Variants in CRBN observed in about 807,000 individuals in gnomAD.
CRBN encodes protein cereblon.
In CRBN, 53 loss-of-function variants were observed where a neutral mutation model predicts 62.2. That is an observed-to-expected ratio of 0.85 (90% CI 0.68 to 1.07). The LOEUF (loss-of-function observed/expected upper bound fraction) is 1.07. Among genes scored for constraint, CRBN ranks in the 50% least tolerant of loss-of-function variants. The pLI is 0.00. For missense variants in CRBN, 616 were observed against 531.1 expected (o/e 1.16, Z -1.57); for synonymous variants, 208 against 176.1 (o/e 1.18, Z -1.43).
chr3:3,151,075 G>A, intron 10 of CRBN, 30 bp from the exon 11 acceptor site: 1 of 1,611,072 alleles, frequency 6.2e-7, no homozygotes, highest in Admixed American at 1.7e-5. Flanking sequence ...TATCAGCTAA[G>A]GAAACATTTC....
At chr3:3,152,616 C>T (rs755833083) in intron 9 of CRBN, 29 bp from the exon 10 acceptor site, 25 of 1,613,386 alleles carry the variant, frequency 1.5e-5, no homozygotes, top group Admixed American at 3.3e-5. Flanking sequence ...ATGGAGAACA[C>T]GTCAAAACGA....
At chr3:3,173,038 C>CTA (rs1707686058) in intron 3 of CRBN, 113 bp from the exon 4 acceptor site, 5 of 808,340 alleles carry the variant, frequency 6.2e-6, no homozygotes, top group Non-Finnish European at 1.1e-5. Context: ...ACCCTTACTA[C>CTA]AAAGCTAGGA....
At chr3:3,162,131 A>C (rs1464000649) in intron 5 of CRBN, among the ~76,000 whole-genome samples, 1 of 152,194 alleles carries the variant, frequency 6.6e-6, no homozygotes, top group African/African-American at 2.4e-5. Flanking sequence ...GAGGCCAGAA[A>C]GATGAGACTC....
chr3:3,152,333 T>G, intron 10 of CRBN, 123 bp downstream of exon 10: 1 of 1,089,312 alleles, frequency 9.2e-7, no homozygotes. Context: ...TTGTAGCAAA[T>G]TACTCATTTG....
At chr3:3,157,222 A>G (rs1008258708) in intron 5 of CRBN, among the ~76,000 whole-genome samples, 2 of 152,228 alleles carry the variant, frequency 1.3e-5, no homozygotes, top group African/African-American at 4.8e-5. Flanking sequence ...CTAAACATCA[A>G]TCAAAAATAG....
At position 3,175,206 on chromosome 3, in the gene CRBN, G is replaced by C. The variant is rs757381730; in HGVS notation, c.131C>G (p.Pro44Arg). 6.2e-7 allele frequency: 1 copy of C among 1,613,086 alleles called. No homozygotes were observed. Among genetic ancestry groups the C allele is most frequent in the East Asian group, 2.2e-5 (1 of 44,838 alleles). The part of the protein sequence containing the change: ...EDQDSKEAKK[P>R]NIINFDTSLP... ...ACTGGTGTCAAAATTTATGATGTTT[G>C]GTTTTTTGGCTTCTTTACTATCCTG... Residue 44 changes from proline (P) to arginine (R), a missense_variant, in exon 2 of 11, where the codon CCA (proline) becomes CGA (arginine). Transcript: ENST00000231948.
intron 9 of CRBN, chr3:3,152,901 G>C (rs1362325667): frequency 1.2e-5 from 5 of 404,998 alleles, no homozygotes; most frequent in South Asian, 2.5e-5. Flanking sequence ...GAGTCTGAGA[G>C]TGTAAGTGCA....
intron 5 of CRBN, chr3:3,156,696 G>T (rs1669340): frequency 0.73 from 145,361 of 200,082 alleles, 55,341 homozygotes; most frequent in Middle Eastern, 0.87. Flanking sequence ...AGAATCAGCT[G>T]AATCACTATA....
chr3:3,166,410 C>CT (rs1247205759), intron 5 of CRBN, among the ~76,000 whole-genome samples: 2 of 152,232 alleles, frequency 1.3e-5, no homozygotes, highest in South Asian at 2.1e-4. Flanking sequence ...CAATAAACCT[C>CT]TTTTTTTGTA....
chr3:3,154,272 T>C (rs889507418), intron 7 of CRBN, 197 bp from the exon 8 acceptor site: 21 of 574,524 alleles, frequency 3.7e-5, no homozygotes, highest in Non-Finnish European at 5.6e-5. Flanking sequence ...GCTTTTCTTA[T>C]ACTTTTTTTG....
intron 3 of CRBN, among the ~76,000 whole-genome samples, chr3:3,173,233 T>C (rs748434726): frequency 2.6e-5 from 4 of 152,134 alleles, no homozygotes; most frequent in Middle Eastern, 3.4e-3. Flanking sequence ...AATTTTTGTA[T>C]TTTTAGTAGA....
intron 4 of CRBN, 111 bp downstream of exon 4, chr3:3,172,665 C>T (rs1046386949): frequency 1.7e-5 from 19 of 1,112,836 alleles, no homozygotes; most frequent in Non-Finnish European, 2.2e-5. Flanking sequence ...GGAAAGAGAA[C>T]AACTAGTTAA....
chr3:3,174,976 C>T (rs946661871), intron 2 of CRBN, among the ~76,000 whole-genome samples, 187 bp downstream of exon 2: 1 of 152,158 alleles, frequency 6.6e-6, no homozygotes, highest in Non-Finnish European at 1.5e-5. Flanking sequence ...TCAAACAATT[C>T]TACCACAACA....
chr3:3,150,746 T>C lies in CRBN; in HGVS notation c.*119A>G. The C allele has an allele frequency of 1.0e-6, 1 of 976,812 alleles. No homozygotes were observed. Among genetic ancestry groups the C allele is most frequent in the Non-Finnish European group, 1.5e-6 (1 of 655,978 alleles). 60.5% of individuals were successfully genotyped at this position (976,812 alleles called of 1,614,324 possible). On this transcript the variant is annotated 3_prime_UTR_variant, in exon 11 of 11. Transcript: ENST00000231948. ...GAAACTGCAACCCTCCAAGTAATGTTATGTTTACTTAGGTATTAATGTTAT... is the reference window on the plus strand; with the variant it reads ...GAAACTGCAACCCTCCAAGTAATGTCATGTTTACTTAGGTATTAATGTTAT...
intron 5 of CRBN, among the ~76,000 whole-genome samples, chr3:3,162,770 C>T (rs1707191566): frequency 6.6e-6 from 1 of 152,170 alleles, no homozygotes; most frequent in Non-Finnish European, 1.5e-5. Context: ...GTAAGCATCT[C>T]CCAACTCTGA....
chr3:3,175,082 T>C, intron 2 of CRBN, 81 bp downstream of exon 2: 1 of 936,360 alleles, frequency 1.1e-6, no homozygotes, highest in Non-Finnish European at 1.7e-6. Flanking sequence ...GTAATACAAA[T>C]ATCAGTCACT....
intron 4 of CRBN, among the ~76,000 whole-genome samples, chr3:3,170,420 C>G (rs777707871): frequency 1.3e-5 from 2 of 152,154 alleles, no homozygotes; most frequent in African/African-American, 4.8e-5. Flanking sequence ...GAAAGGGAAG[C>G]TGGCTTGAGT....
intron 5 of CRBN, among the ~76,000 whole-genome samples, chr3:3,162,316 C>T (rs55959448): frequency 0.12 from 18,782 of 151,122 alleles, 1,254 homozygotes; most frequent in Admixed American, 0.16. Context: ...AAAATTTCCT[C>T]TTTTTTTTTG....
intron 4 of CRBN, among the ~76,000 whole-genome samples, chr3:3,168,534 A>T (rs1707450085): frequency 6.6e-6 from 1 of 152,156 alleles, no homozygotes; most frequent in African/African-American, 2.4e-5. Context: ...TATCTCTTAG[A>T]GTGTAGCTTC....
Sources: allele counts gnomAD v4.1 joint callset (sites outside exome capture counted in the v4.1 genomes callset), GRCh38; gene constraint gnomAD v4.1.1; transcripts MANE v1.5; gene names NCBI Gene and HGNC (gene_info 2026-07-23, HGNC 2026-07-21).